The following ATG7 variants were observed in gnomAD, a reference collection of about 807,000 sequenced individuals.
ATG7 encodes ubiquitin-like modifier-activating enzyme ATG7.
A neutral mutation model predicts 82.4 loss-of-function variants in ATG7; 70 were observed. That is an observed-to-expected ratio of 0.85 (90% CI 0.70 to 1.04). The LOEUF is 1.04. Ranked by LOEUF, ATG7 falls within the 50% of genes least tolerant of loss-of-function variation. ATG7 has a pLI of 0.00. For synonymous variants in ATG7, 287 were observed against 313.0 expected, an observed-to-expected ratio of 0.92 and a Z score of 0.88; for missense variants, 792 against 864.3, an observed-to-expected ratio of 0.92 and a Z score of 1.05.
intron 19 of ATG7, among the ~76,000 whole-genome samples, chr3:11,396,291 A>T (rs148950852): frequency 1.9e-3 from 287 of 152,132 alleles, no homozygotes; most frequent in African/African-American, 6.7e-3. Context: ...TACTAAAAAT[A>T]CAAAAATTAG....
At chr3:11,390,730 G>A (rs909785394) in intron 19 of ATG7, among the ~76,000 whole-genome samples, 7 of 141,466 alleles carry the variant, frequency 4.9e-5, no homozygotes, top group African/African-American at 1.8e-4. Flanking sequence ...AAGAGAATGA[G>A]CAATTTGCAG....
chr3:11,281,831 G>A (rs1465372952), intron 2 of ATG7, among the ~76,000 whole-genome samples: 2 of 151,140 alleles, frequency 1.3e-5, no homozygotes, highest in Non-Finnish European at 2.9e-5. Flanking sequence ...TTTGAAAATC[G>A]GAAATCAGGC....
At chr3:11,513,092 T>A (rs2092135246) in intron 20 of ATG7, among the ~76,000 whole-genome samples, 1 of 152,204 alleles carries the variant, frequency 6.6e-6, no homozygotes, top group African/African-American at 2.4e-5. Context: ...TTGAGCTAGA[T>A]ACAGAGTGCC....
intron 20 of ATG7, among the ~76,000 whole-genome samples, chr3:11,457,472 T>C (rs1234007577): frequency 1.3e-5 from 2 of 152,156 alleles, no homozygotes; most frequent in Non-Finnish European, 2.9e-5. Flanking sequence ...TGGGGCATAA[T>C]TGATCTTTCA....
chr3:11,467,723 G>A (rs1266245427), intron 20 of ATG7, among the ~76,000 whole-genome samples: 2 of 151,892 alleles, frequency 1.3e-5, no homozygotes, highest in Admixed American at 6.6e-5. Context: ...ACTTATCACC[G>A]TTTGGCATTA....
intron 20 of ATG7, among the ~76,000 whole-genome samples, chr3:11,442,115 T>A (rs1652698843): frequency 6.6e-6 from 1 of 152,226 alleles, no homozygotes; most frequent in Non-Finnish European, 1.5e-5. Context: ...TTCTCTTTCT[T>A]TCAACGGTAA....
At chr3:11,483,905 GGA>G (rs1300630209) in intron 20 of ATG7, among the ~76,000 whole-genome samples, 2 of 152,058 alleles carry the variant, frequency 1.3e-5, no homozygotes, top group Admixed American at 1.3e-4. Flanking sequence ...CAAGAAAGAT[GGA>G]GAGAGAGAAA....
chr3:11,571,227 T>C, the ATG7 span, among the ~76,000 whole-genome samples: 6 of 152,222 alleles, frequency 3.9e-5, no homozygotes, highest in South Asian at 1.2e-3. Flanking sequence ...GCAGAGACTG[T>C]CTCTGCCTTC....
At chr3:11,400,302 A>G (rs1340091184) in intron 19 of ATG7, among the ~76,000 whole-genome samples, 2 of 152,224 alleles carry the variant, frequency 1.3e-5, no homozygotes, top group Non-Finnish European at 2.9e-5. Flanking sequence ...GCCAGGGTAT[A>G]TGAACTTCCT....
intron 3 of ATG7, among the ~76,000 whole-genome samples, chr3:11,297,033 C>A (rs1225690101): frequency 6.6e-6 from 1 of 152,176 alleles, no homozygotes; most frequent in Non-Finnish European, 1.5e-5. Flanking sequence ...AGCAAAACCT[C>A]CCTGAGTAGA....
chr3:11,441,368 AAT>A (rs201437105), intron 20 of ATG7, among the ~76,000 whole-genome samples: 4,743 of 151,920 alleles, frequency 0.031, 180 homozygotes, highest in African/African-American at 0.094. Flanking sequence ...CAACCTCCCG[AAT>A]AGCTGGGATT....
In ATG7 at chr3:11,465,625, C is replaced by T. The variant is rs919520748; in HGVS notation, c.2079+38699C>T. The stretch of plus-strand genomic sequence containing the variant: ...TAATAAAAAATAAAAATTAGCTGGG[C>T]GTGGTGGCACACACCTGTAGTCCTA... On this transcript the variant is annotated intron_variant, in intron 20 of 20. Transcript: ENST00000693202. Among the ~76,000 whole-genome samples the T allele has an allele frequency of 5.3e-5, 8 of 151,646 alleles. No homozygotes were observed. In the South Asian group the frequency reaches 1.3e-3, roughly 24 times the overall value.
At chr3:11,289,259 G>A (rs1944565139) in intron 3 of ATG7, among the ~76,000 whole-genome samples, 1 of 152,174 alleles carries the variant, frequency 6.6e-6, no homozygotes, top group Admixed American at 6.6e-5. Flanking sequence ...ATTTAGATTA[G>A]TGACACATGA....
chr3:11,449,832 G>A (rs867769617), intron 20 of ATG7, among the ~76,000 whole-genome samples: 2 of 152,190 alleles, frequency 1.3e-5, no homozygotes, highest in African/African-American at 4.8e-5. Flanking sequence ...ACAAAAAAGC[G>A]GTTGTAGATG....
chr3:11,482,137 C>T lies in ATG7; in HGVS notation c.2079+55211C>T, dbSNP rs1264587437. On this transcript the variant is annotated intron_variant, in intron 20 of 20. Transcript: ENST00000693202. ...TCTCTCATCACTGCTTTCTGTGCTC[C>T]GCTCTGTCCCGCTTCCTTCCAACTG... Among the ~76,000 whole-genome samples the T allele has an allele frequency of 3.3e-5, 5 of 152,200 alleles. No individual in the cohort carries two copies. In the East Asian group the frequency reaches 5.8e-4, roughly 18 times the overall value.
intron 19 of ATG7, among the ~76,000 whole-genome samples, chr3:11,404,430 C>T (rs756053221): frequency 1.3e-4 from 20 of 151,866 alleles, no homozygotes; most frequent in African/African-American, 2.7e-4. Context: ...CCACCATGGC[C>T]GGCTCCAGCT....
intron 20 of ATG7, among the ~76,000 whole-genome samples, chr3:11,533,232 C>T (rs980382779): frequency 6.6e-6 from 1 of 152,202 alleles, no homozygotes; most frequent in Non-Finnish European, 1.5e-5. Context: ...GCCCTCCTCT[C>T]CAGCTCCCTT....
Position 11,426,791 on chromosome 3 carries a change from A to G in ATG7, c.1957-13A>G, listed in dbSNP as rs202058873. The G allele has an allele frequency of 1.9e-6, 3 of 1,556,230 alleles. No individual in the cohort carries two copies. Among genetic ancestry groups the G allele is most frequent in the Middle Eastern group, 1.7e-4 (1 of 5,794 alleles). ...CTGGAGACTCCTTTTTAAAAAATGT[A>G]AATGTTTTACAGGTTCTTGATCAAT... On this transcript the variant is annotated splice_polypyrimidine_tract_variant and intron_variant, in intron 19 of 20. Transcript: ENST00000693202.
intron 19 of ATG7, 144 bp downstream of exon 19, chr3:11,380,196 T>C (rs1459864347): frequency 4.3e-6 from 3 of 696,168 alleles, no homozygotes; most frequent in Non-Finnish European, 7.5e-6. Flanking sequence ...GAAAGGACTT[T>C]GTTTTCATGG....
Sources: gnomAD v4.1 joint callset for allele counts (sites outside exome capture counted in the v4.1 genomes callset) on GRCh38, gnomAD v4.1.1 for gene constraint, MANE v1.5 for transcripts, NCBI Gene and HGNC (gene_info 2026-07-23, HGNC 2026-07-21) for gene names.